The following NCOA3 variants were observed in gnomAD, a reference collection of about 807,000 sequenced individuals.
The protein encoded by NCOA3 is nuclear receptor coactivator 3.
In NCOA3, 51 loss-of-function variants were observed where a neutral mutation model predicts 158.8. The observed-to-expected ratio is 0.32, with a 90% confidence interval of 0.26 to 0.41. The LOEUF is 0.41. Ranked by LOEUF, NCOA3 falls within the 10% of genes least tolerant of loss-of-function variation. The probability of loss-of-function intolerance (pLI) is 1.00; values close to 1 mark genes in which losing one functional copy is unlikely to be tolerated. For synonymous variants in NCOA3, 537 were observed against 592.4 expected (o/e 0.91, Z 1.36); for missense variants, 1,510 against 1,746.6 (o/e 0.86, Z 2.41).
In NCOA3 at chr20:47,624,098, C is replaced by G. The variant is rs201165631; in HGVS notation, c.256+15C>G. On this transcript the variant is annotated intron_variant, in intron 4 of 22. Coordinates refer to ENST00000371998, the MANE Select transcript of NCOA3 (RefSeq NM_181659.3). ...AAAAGAGCAAGGTAATAAAAACACT[C>G]ATGTCTTTTTGAACAGTGGTGGTTC... The G allele has an allele frequency of 1.1e-5, 17 of 1,590,522 alleles. No individual in the cohort carries two copies. The highest frequency in any genetic ancestry group is 5.1e-6 in the Non-Finnish European group (6 of 1,168,824).
At chr20:47,625,870 T>TA (rs988568632) in intron 5 of NCOA3, among the ~76,000 whole-genome samples, 2 of 152,160 alleles carry the variant, frequency 1.3e-5, no homozygotes, top group African/African-American at 4.8e-5. Context: ...GTTAAAACAA[T>TA]AAAAAACACC....
chr20:47,504,960 C>G (rs1204402146), intron 1 of NCOA3, among the ~76,000 whole-genome samples: 3 of 129,802 alleles, frequency 2.3e-5, no homozygotes, highest in Non-Finnish European at 4.6e-5. Flanking sequence ...TGCTATTGTC[C>G]TATCCCAAAT....
intron 1 of NCOA3, among the ~76,000 whole-genome samples, chr20:47,546,625 G>A (rs940683365): frequency 1.4e-5 from 2 of 148,020 alleles, no homozygotes; most frequent in African/African-American, 5.0e-5. Flanking sequence ...TCCGCCTCCC[G>A]CATTCAAGTG....
intron 1 of NCOA3, among the ~76,000 whole-genome samples, chr20:47,542,570 A>G (rs2084761836): frequency 6.6e-6 from 1 of 152,188 alleles, no homozygotes; most frequent in South Asian, 2.1e-4. Flanking sequence ...CCAGCACCTC[A>G]GGAAACTGAG....
chr20:47,514,878 T>C (rs1333439299), intron 1 of NCOA3, among the ~76,000 whole-genome samples: 6 of 151,756 alleles, frequency 4.0e-5, no homozygotes. Flanking sequence ...AGAGACAGAG[T>C]TTTGCCATGT....
In NCOA3 at chr20:47,622,245, A is replaced by C; in HGVS notation, c.-3A>C. 6.3e-7 allele frequency: 1 copy of C among 1,591,412 alleles called. No homozygotes were observed. The highest frequency in any genetic ancestry group is 8.6e-7 in the Non-Finnish European group (1 of 1,165,728). On this transcript the variant is annotated 5_prime_UTR_variant, in exon 3 of 23. Transcript: ENST00000371998. The stretch of plus-strand genomic sequence containing the variant: ...CTCTCTTAGTTGCTGATGTATATTC[A>C]AGATGAGTGGATTAGGAGAAAACTT...
Position 47,653,368 on chromosome 20 carries a change from ATTTTTTTTT to A in NCOA3, c.4264-24_4264-16del, listed in dbSNP as rs545375540. 29 of 1,390,050 alleles carry A rather than the reference ATTTTTTTTT, an allele frequency of 2.1e-5. No homozygotes were observed. The African/African-American group carries it at 2.7e-4, about 13-fold the overall frequency. The allele number at this position is 1,390,050 out of a possible 1,614,324, so 86.1% of individuals were successfully genotyped here. A position where few individuals can be genotyped will look rare whatever the true frequency, so the allele number is the denominator to read the frequency against. ...GTTGTGCAAAGCATGTGTTTTACTC[ATTTTTTTTT>A]TTTTTTTTTTTTTCCTGGTTGCTGA... On this transcript the variant is annotated intron_variant, in intron 22 of 22. Coordinates refer to ENST00000371998, the MANE Select transcript of NCOA3 (RefSeq NM_181659.3).
At chr20:47,520,899 A>G (rs941258894) in intron 1 of NCOA3, among the ~76,000 whole-genome samples, 2 of 152,208 alleles carry the variant, frequency 1.3e-5, no homozygotes, top group African/African-American at 2.4e-5. Flanking sequence ...TGAGGTAGCT[A>G]TGGAACGCAG....
intron 1 of NCOA3, among the ~76,000 whole-genome samples, chr20:47,538,474 A>G (rs1568664691): frequency 6.6e-6 from 1 of 152,126 alleles, no homozygotes; most frequent in Non-Finnish European, 1.5e-5. Context: ...CACATAAGAT[A>G]CTTTTTAAAA....
At chr20:47,610,443 C>T (rs1290426998) in intron 2 of NCOA3, among the ~76,000 whole-genome samples, 4 of 152,202 alleles carry the variant, frequency 2.6e-5, no homozygotes, top group African/African-American at 9.7e-5. Flanking sequence ...TGGTCTCAAA[C>T]TGCTGGGCTC....
chr20:47,602,674 A>C (rs2085882085), intron 2 of NCOA3, among the ~76,000 whole-genome samples: 2 of 152,224 alleles, frequency 1.3e-5, no homozygotes, highest in Non-Finnish European at 2.9e-5. Flanking sequence ...TCAGTAGTTT[A>C]AGGCTTTGAT....
At chr20:47,616,845 A>G (rs1214049887) in intron 2 of NCOA3, among the ~76,000 whole-genome samples, 1 of 152,244 alleles carries the variant, frequency 6.6e-6, no homozygotes, top group South Asian at 2.1e-4. Context: ...TCAGGAGGAC[A>G]GATTACTTGG....
intron 2 of NCOA3, among the ~76,000 whole-genome samples, chr20:47,612,722 T>C (rs956025839): frequency 6.6e-6 from 1 of 152,224 alleles, no homozygotes; most frequent in South Asian, 2.1e-4. Flanking sequence ...AGATTCAGTG[T>C]ATTAAATTGT....
intron 1 of NCOA3, among the ~76,000 whole-genome samples, chr20:47,546,324 G>A (rs1264020557): frequency 6.6e-6 from 1 of 152,084 alleles, no homozygotes; most frequent in African/African-American, 2.4e-5. Context: ...GTGAGTTATT[G>A]TAATAACATC....
intron 1 of NCOA3, among the ~76,000 whole-genome samples, chr20:47,535,485 G>T (rs2084617396): frequency 6.6e-6 from 1 of 151,902 alleles, no homozygotes; most frequent in Non-Finnish European, 1.5e-5. Context: ...ATCACACACG[G>T]ACTTGGAGAA....
intron 1 of NCOA3, among the ~76,000 whole-genome samples, chr20:47,554,816 C>T (rs1395689196): frequency 1.3e-5 from 2 of 152,156 alleles, no homozygotes; most frequent in Non-Finnish European, 2.9e-5. Flanking sequence ...CCATCCCCAT[C>T]GAGCTACCAA....
chr20:47,626,970 A>G (rs753355950), intron 5 of NCOA3, 32 bp from the exon 6 acceptor site: 2 of 1,574,222 alleles, frequency 1.3e-6, no homozygotes, highest in Non-Finnish European at 1.7e-6. Flanking sequence ...AATTCAGTCC[A>G]TAACAGCCTG....
At chr20:47,589,542 A>AT (rs541480736) in intron 2 of NCOA3, among the ~76,000 whole-genome samples, 59 of 145,592 alleles carry the variant, frequency 4.1e-4, no homozygotes, top group Admixed American at 6.2e-4. Flanking sequence ...AGCCCAGCTA[A>AT]TTTTTTTTTT....
intron 2 of NCOA3, among the ~76,000 whole-genome samples, chr20:47,601,880 C>A (rs2085870518): frequency 6.6e-6 from 1 of 152,192 alleles, no homozygotes; most frequent in African/African-American, 2.4e-5. Flanking sequence ...TACATGACAG[C>A]TGACATTTAT....
Sources: allele counts gnomAD v4.1 joint callset (sites outside exome capture counted in the v4.1 genomes callset), GRCh38; gene constraint gnomAD v4.1.1; transcripts MANE v1.5; gene names NCBI Gene and HGNC (gene_info 2026-07-23, HGNC 2026-07-21).